OSTF1: variants seen among roughly 807,000 people sequenced by gnomAD.
The protein encoded by OSTF1 is osteoclast-stimulating factor 1.
In OSTF1, 27 loss-of-function variants were observed where a neutral mutation model predicts 37.2. The ratio of observed to expected loss-of-function variants is 0.73; its 90% CI spans 0.54 to 1.00. The LOEUF (loss-of-function observed/expected upper bound fraction) is 1.00, where lower values mean the gene tolerates loss of function less well. OSTF1 is among the 50% of genes least tolerant of loss of function. OSTF1 has a pLI of 0.00. For synonymous variants in OSTF1, 82 were observed against 89.2 expected (o/e 0.92, Z 0.46); for missense variants, 232 against 253.8 (o/e 0.91, Z 0.58).
intron 1 of OSTF1, among the ~76,000 whole-genome samples, chr9:75,111,342 T>C (rs1197346780): frequency 6.6e-6 from 1 of 152,094 alleles, no homozygotes; most frequent in African/African-American, 2.4e-5. Flanking sequence ...GAAAATACAG[T>C]GTTTGGCTGA....
intron 1 of OSTF1, among the ~76,000 whole-genome samples, chr9:75,093,253 G>A (rs1487085725): frequency 2.0e-5 from 3 of 151,960 alleles, no homozygotes; most frequent in African/African-American, 7.3e-5. Flanking sequence ...TACACATATA[G>A]CATTTATGTT....
At chr9:75,140,258 G>A (rs1347572064) in intron 8 of OSTF1, among the ~76,000 whole-genome samples, 1 of 152,128 alleles carries the variant, frequency 6.6e-6, no homozygotes, top group African/African-American at 2.4e-5. Flanking sequence ...GAATGAAATG[G>A]GACTTGTGCT....
chr9:75,119,289 C>CA (rs764338459), intron 2 of OSTF1, among the ~76,000 whole-genome samples: 27 of 152,280 alleles, frequency 1.8e-4, no homozygotes, highest in Middle Eastern at 3.4e-3. Context: ...AAATAGTAGC[C>CA]ACTAATAGAC....
At chr9:75,089,121 T>C (rs1008853292) in intron 1 of OSTF1, among the ~76,000 whole-genome samples, 3 of 152,024 alleles carry the variant, frequency 2.0e-5, no homozygotes, top group Non-Finnish European at 4.4e-5. Context: ...TGTTTGTCAC[T>C]GTCAAGTTAG....
intron 2 of OSTF1, among the ~76,000 whole-genome samples, chr9:75,121,733 C>T (rs1183804762): frequency 6.6e-6 from 1 of 152,210 alleles, no homozygotes; most frequent in Non-Finnish European, 1.5e-5. Flanking sequence ...TCTCTCTCCC[C>T]TCTGACCAGC....
intron 9 of OSTF1, among the ~76,000 whole-genome samples, chr9:75,143,412 AT>A (rs892774617): frequency 1.2e-4 from 18 of 152,018 alleles, no homozygotes; most frequent in African/African-American, 2.4e-4. Context: ...AGCTTGATTA[AT>A]TTTTTTTACA....
At chr9:75,105,887 A>T (rs189373187) in intron 1 of OSTF1, among the ~76,000 whole-genome samples, 68 of 152,362 alleles carry the variant, frequency 4.5e-4, no homozygotes, top group African/African-American at 1.6e-3. Context: ...GGTATGGCCC[A>T]TCAAGATGTA....
chr9:75,137,437 A>T, intron 7 of OSTF1, 101 bp from the exon 8 acceptor site: 3 of 731,090 alleles, frequency 4.1e-6, no homozygotes, highest in Non-Finnish European at 7.1e-6. Flanking sequence ...TTCCCATTTT[A>T]GGTTTAACTT....
intron 1 of OSTF1, among the ~76,000 whole-genome samples, chr9:75,097,755 CTTT>C (rs34808461): frequency 6.2e-5 from 9 of 144,232 alleles, no homozygotes; most frequent in Non-Finnish European, 9.1e-5. Flanking sequence ...GCCGTCCCCT[CTTT>C]TTTTTTTTTT....
intron 1 of OSTF1, 84 bp downstream of exon 1, chr9:75,088,810 C>T: frequency 3.7e-6 from 5 of 1,353,570 alleles, no homozygotes; most frequent in Middle Eastern, 2.2e-4. Context: ...AGGGAGGACC[C>T]GGCGCGCACC....
At chr9:75,128,405 TATTTTGTCC>T (rs1448989599) in intron 3 of OSTF1, among the ~76,000 whole-genome samples, 11 of 84,612 alleles carry the variant, frequency 1.3e-4, no homozygotes, top group Non-Finnish European at 1.7e-4. Flanking sequence ...TATATATATA[TATTTTGTCC>T]ATATATATAT....
intron 1 of OSTF1, among the ~76,000 whole-genome samples, chr9:75,116,598 A>G (rs1016606001): frequency 7.0e-6 from 1 of 143,324 alleles, no homozygotes; most frequent in East Asian, 2.0e-4. Flanking sequence ...GGTTTCTCCA[A>G]TGGGTCCTTT....
In OSTF1 at chr9:75,140,331, A is replaced by G. The variant is rs150906227; in HGVS notation, c.488-503A>G. 2.6e-3 allele frequency among the ~76,000 whole-genome samples: 401 copies of G among 152,346 alleles called. 2 individuals carry two copies. The highest frequency in any genetic ancestry group is 4.1e-3 in the Non-Finnish European group (278 of 68,026). On this transcript the variant is annotated intron_variant, in intron 8 of 9. Transcript: ENST00000346234. Reference sequence around the variant, plus strand: ...AATGCAAATGTATTCATGAATTCTGATGTAATTTTGAACACAATAAAGGCA... The same window carrying G: ...AATGCAAATGTATTCATGAATTCTGGTGTAATTTTGAACACAATAAAGGCA...
intron 8 of OSTF1, among the ~76,000 whole-genome samples, chr9:75,139,674 T>C (rs113080134): frequency 0.026 from 4,034 of 152,296 alleles, 159 homozygotes; most frequent in African/African-American, 0.09. Flanking sequence ...CTGCCCGCCT[T>C]GGCCTCCTAA....
intron 2 of OSTF1, among the ~76,000 whole-genome samples, chr9:75,119,349 G>A (rs1825541755): frequency 6.6e-6 from 1 of 152,226 alleles, no homozygotes; most frequent in South Asian, 2.1e-4. Context: ...CTTTGTCCAT[G>A]AAATGTTTCT....
At chr9:75,105,140 G>C (rs1367617822) in intron 1 of OSTF1, among the ~76,000 whole-genome samples, 2 of 152,154 alleles carry the variant, frequency 1.3e-5, no homozygotes, top group Non-Finnish European at 2.9e-5. Flanking sequence ...GTAATCATTT[G>C]CCCAACCAGT....
intron 2 of OSTF1, among the ~76,000 whole-genome samples, chr9:75,124,190 A>G (rs780313059): frequency 6.6e-6 from 1 of 152,182 alleles, no homozygotes; most frequent in Non-Finnish European, 1.5e-5. Context: ...GGCACATGAG[A>G]TGTTTGGATA....
intron 3 of OSTF1, among the ~76,000 whole-genome samples, 188 bp from the exon 4 acceptor site, chr9:75,130,390 C>T (rs117974311): frequency 6.6e-6 from 1 of 152,112 alleles, no homozygotes; most frequent in African/African-American, 2.4e-5. Context: ...CAGGCAGATG[C>T]GTGTTTATTT....
intron 1 of OSTF1, among the ~76,000 whole-genome samples, chr9:75,103,065 T>C (rs1180777114): frequency 6.6e-6 from 1 of 152,224 alleles, no homozygotes; most frequent in Non-Finnish European, 1.5e-5. Context: ...GGTGGGCTGA[T>C]TGCTTGAGAC....
Sources: gnomAD v4.1 joint callset for allele counts (sites outside exome capture counted in the v4.1 genomes callset) on GRCh38, gnomAD v4.1.1 for gene constraint, MANE v1.5 for transcripts, NCBI Gene and HGNC (gene_info 2026-07-23, HGNC 2026-07-21) for gene names.